CUL1: variants seen among roughly 807,000 people sequenced by gnomAD.
CUL1 encodes the protein cullin 1.
A neutral mutation model predicts 118.0 loss-of-function variants in CUL1; 24 were observed. That is an observed-to-expected ratio of 0.20 (90% confidence interval 0.15 to 0.29). The LOEUF (loss-of-function observed/expected upper bound fraction) is 0.29, where lower values mean the gene tolerates loss of function less well. Ranked by LOEUF, CUL1 falls within the 10% of genes least tolerant of loss-of-function variation. CUL1 has a pLI of 1.00. For missense variants in CUL1, 361 were observed against 933.8 expected, an observed-to-expected ratio of 0.39 and a Z score of 7.99; for synonymous variants, 332 against 340.4, an observed-to-expected ratio of 0.98 and a Z score of 0.27.
rs1800895606 is a variant in CUL1 at position 148,788,538 on chromosome 7, T to C, written c.1480-19T>C. 6.7e-7 allele frequency: 1 copy of C among 1,501,382 alleles called. No homozygotes were observed. The highest frequency in any genetic ancestry group is 9.2e-7 in the Non-Finnish European group (1 of 1,081,716). 93.0% of individuals were successfully genotyped at this position (1,501,382 alleles called of 1,614,324 possible). ...ATTTTTGTACAAATTAATAAGACAG[T>C]CATCTGGGTTCTTCTCAGCAAGCTT... On this transcript the variant is annotated intron_variant, in intron 13 of 21. Transcript: ENST00000325222.
intron 1 of CUL1, among the ~76,000 whole-genome samples, chr7:148,709,184 C>T (rs1584756774): frequency 6.6e-6 from 1 of 152,288 alleles, no homozygotes; most frequent in Admixed American, 6.5e-5. Context: ...GAGTACTTTC[C>T]CCGCCAAAAA....
chr7:148,779,488 A>AG (rs1006442609), intron 9 of CUL1, among the ~76,000 whole-genome samples: 1 of 152,214 alleles, frequency 6.6e-6, no homozygotes, highest in African/African-American at 2.4e-5. Context: ...AGCTAGGCAA[A>AG]GGGGGATCCC....
At chr7:148,774,218 A>G (rs1173494682) in intron 9 of CUL1, among the ~76,000 whole-genome samples, 1 of 152,192 alleles carries the variant, frequency 6.6e-6, no homozygotes, top group East Asian at 1.9e-4. Context: ...GCCATTAAAG[A>G]CAGCCAGCGC....
At chr7:148,734,930 C>T (rs1373638045) in intron 2 of CUL1, among the ~76,000 whole-genome samples, 1 of 152,000 alleles carries the variant, frequency 6.6e-6, no homozygotes, top group African/African-American at 2.4e-5. Flanking sequence ...TTTCTCTCTA[C>T]CTGAATAAAT....
rs1384265388 is a variant in CUL1, at chr7:148,715,807, C to T, written c.-161-14155C>T. Among the ~76,000 whole-genome samples the T allele has an allele frequency of 2.6e-5, 4 of 152,090 alleles. No homozygotes were observed. The South Asian group carries it at 6.2e-4, about 24-fold the overall frequency. On this transcript the variant is annotated intron_variant, in intron 1 of 21. Coordinates refer to ENST00000325222, the MANE Select transcript of CUL1 (RefSeq NM_003592.3). ...ACTTATCTAAAATTAAGCTCTTCAT[C>T]TTCTTTCTAGTTTCAGGCTTCTTCT...
intron 9 of CUL1, among the ~76,000 whole-genome samples, chr7:148,778,093 A>AAAAAAAAAAAAAAAAAAAAAAAAAT (rs1800472533): frequency 8.4e-6 from 1 of 118,596 alleles, no homozygotes; most frequent in Non-Finnish European, 1.7e-5. Flanking sequence ...AAAAAAAAAA[A>AAAAAAAAAAAAAAAAAAAAAAAAAT]AAAAGAAGAA....
At chr7:148,731,715 A>C (rs1054707603) in intron 2 of CUL1, among the ~76,000 whole-genome samples, 1 of 152,210 alleles carries the variant, frequency 6.6e-6, no homozygotes, top group Non-Finnish European at 1.5e-5. Context: ...GGCCCTGGCA[A>C]CTACTCATTT....
At chr7:148,709,138 G>A (rs978081232) in intron 1 of CUL1, among the ~76,000 whole-genome samples, 4 of 152,154 alleles carry the variant, frequency 2.6e-5, no homozygotes, top group African/African-American at 9.7e-5. Context: ...GCCTCTCTTG[G>A]CGGCAGTGAA....
intron 9 of CUL1, among the ~76,000 whole-genome samples, chr7:148,769,036 TG>T (rs1271564661): frequency 1.3e-5 from 2 of 152,152 alleles, no homozygotes; most frequent in African/African-American, 4.8e-5. Flanking sequence ...GAGTCCTCAG[TG>T]TCGGCACATA....
chr7:148,778,055 A>G (rs1800462633), intron 9 of CUL1, among the ~76,000 whole-genome samples: 1 of 126,716 alleles, frequency 7.9e-6, no homozygotes, highest in Non-Finnish European at 1.7e-5. Context: ...AGGGTGACAG[A>G]AGAAGACCCT....
rs1197920664 is a variant in CUL1 at position 148,781,079 on chromosome 7, A to ATTTTTTTTTTTTTT, written c.1084-2695_1084-2682dup. On this transcript the variant is annotated intron_variant, in intron 9 of 21. Transcript: ENST00000325222. Reference sequence around the variant, plus strand: ...GCTAAATTCACATTTTCAAGGCCAGATTTTTTTTTTTTTTTTTTTTTTGAC... The same window carrying ATTTTTTTTTTTTTT: ...GCTAAATTCACATTTTCAAGGCCAGATTTTTTTTTTTTTTTTTTTTTTTTTTTTTTTTTTTTGAC... Among the ~76,000 whole-genome samples, 46 of 93,728 alleles carry ATTTTTTTTTTTTTT rather than the reference A, an allele frequency of 4.9e-4. 8 individuals carry two copies. The highest frequency in any genetic ancestry group is 1.7e-3 in the African/African-American group (36 of 21,740). 61.5% of individuals were successfully genotyped at this position (93,728 alleles called of 152,430 possible).
chr7:148,736,474 T>C (rs1386561959), intron 2 of CUL1, among the ~76,000 whole-genome samples: 1 of 152,072 alleles, frequency 6.6e-6, no homozygotes, highest in African/African-American at 2.4e-5. Context: ...CACCTAATTT[T>C]TTATTTTTTG....
At chr7:148,704,586 G>A (rs1797825790) in intron 1 of CUL1, among the ~76,000 whole-genome samples, 1 of 152,102 alleles carries the variant, frequency 6.6e-6, no homozygotes, top group South Asian at 2.1e-4. Flanking sequence ...TGTTAAGGAT[G>A]ATTATTTCAG....
At chr7:148,798,058 G>C in intron 19 of CUL1, 39 bp downstream of exon 19, 1 of 1,243,110 alleles carries the variant, frequency 8.0e-7, no homozygotes, top group Non-Finnish European at 1.2e-6. Flanking sequence ...CTTGACCATA[G>C]ACACGTCCCC....
intron 1 of CUL1, among the ~76,000 whole-genome samples, chr7:148,700,716 A>T (rs992851529): frequency 3.3e-5 from 5 of 152,156 alleles, no homozygotes; most frequent in African/African-American, 1.2e-4. Context: ...CTTGAGAGGG[A>T]TGGCTGAATT....
chr7:148,724,127 T>C (rs1203638714), intron 1 of CUL1, among the ~76,000 whole-genome samples: 1 of 152,240 alleles, frequency 6.6e-6, no homozygotes, highest in African/African-American at 2.4e-5. Context: ...ACTGAATTAC[T>C]AATATCAAAG....
intron 19 of CUL1, among the ~76,000 whole-genome samples, 193 bp from the exon 20 acceptor site, chr7:148,798,379 T>C (rs1028438717): frequency 1.3e-5 from 2 of 151,932 alleles, no homozygotes; most frequent in African/African-American, 2.4e-5. Context: ...AATGGCCGAG[T>C]AGGAAACTAG....
At chr7:148,725,237 A>AC (rs1798537315) in intron 1 of CUL1, among the ~76,000 whole-genome samples, 1 of 151,882 alleles carries the variant, frequency 6.6e-6, no homozygotes, top group Non-Finnish European at 1.5e-5. Flanking sequence ...ACACACACAC[A>AC]CACACACACA....
Position 148,759,371 on chromosome 7 carries a change from G to A in CUL1, c.534+17G>A, listed in dbSNP as rs762259014. On this transcript the variant is annotated intron_variant, in intron 5 of 21. Coordinates refer to ENST00000325222, the MANE Select transcript of CUL1 (RefSeq NM_003592.3). ...AATAAACAGGTACCTACTGGTGTGA[G>A]CGTGTGCATGTTCCTTTTAAAATCC... is the stretch of plus-strand genomic sequence containing the variant. 1.9e-6 allele frequency: 3 copies of A among 1,613,178 alleles called. No individual in the cohort carries two copies. In the African/African-American group the frequency reaches 4.0e-5, roughly 22 times the overall value.
Sources: allele counts gnomAD v4.1 joint callset (sites outside exome capture counted in the v4.1 genomes callset), GRCh38; gene constraint gnomAD v4.1.1; transcripts MANE v1.5; gene names NCBI Gene and HGNC (gene_info 2026-07-23, HGNC 2026-07-21).